The following FAM13A variants were observed in gnomAD, a reference collection of about 807,000 sequenced individuals.
The protein encoded by FAM13A is family with sequence similarity 13 member A, also known as protein FAM13A.
Under a neutral mutation model 129.6 loss-of-function variants are expected in FAM13A, and 76 were observed. That is an observed-to-expected ratio of 0.59 (90% CI 0.49 to 0.71). The LOEUF is 0.71. FAM13A is among the 30% of genes least tolerant of loss of function. The pLI is 0.00. For missense variants in FAM13A, 1,108 were observed against 1,249.3 expected (o/e 0.89, Z 1.70); for synonymous variants, 443 against 449.9 (o/e 0.98, Z 0.20).
intron 3 of FAM13A, among the ~76,000 whole-genome samples, chr4:89,014,584 G>A (rs1766209873): frequency 6.6e-6 from 1 of 152,096 alleles, no homozygotes; most frequent in Non-Finnish European, 1.5e-5. Flanking sequence ...AAGATTTCAT[G>A]GACATTTATT....
At chr4:89,009,808 C>G (rs189409629) in intron 3 of FAM13A, among the ~76,000 whole-genome samples, 1 of 152,262 alleles carries the variant, frequency 6.6e-6, no homozygotes, top group Admixed American at 6.5e-5. Flanking sequence ...CCAAAGGAGT[C>G]CTAGTCTGGG....
intron 7 of FAM13A, among the ~76,000 whole-genome samples, chr4:88,836,495 C>T (rs1734820862): frequency 6.6e-6 from 1 of 152,108 alleles, no homozygotes; most frequent in Admixed American, 6.5e-5. Flanking sequence ...CACTCTGATT[C>T]ATTTATGAAT....
intron 7 of FAM13A, among the ~76,000 whole-genome samples, chr4:88,827,536 T>C (rs1733210621): frequency 6.6e-6 from 1 of 152,180 alleles, no homozygotes. Flanking sequence ...ATCAACCCAA[T>C]CAAACATTCA....
intron 7 of FAM13A, among the ~76,000 whole-genome samples, chr4:88,818,752 A>G (rs3775379): frequency 0.51 from 77,764 of 151,916 alleles, 20,164 homozygotes; most frequent in East Asian, 0.69. Context: ...GTGGAGGGAG[A>G]GGGCAGTGCC....
intron 6 of FAM13A, among the ~76,000 whole-genome samples, chr4:88,877,282 C>T (rs903141626): frequency 1.3e-5 from 2 of 152,028 alleles, no homozygotes; most frequent in South Asian, 2.1e-4. Context: ...ATGTTTATAA[C>T]CTTTGAACTA....
chr4:89,051,730 A>T (rs1350370029), intron 1 of FAM13A, among the ~76,000 whole-genome samples: 9 of 152,226 alleles, frequency 5.9e-5, no homozygotes, highest in Non-Finnish European at 1.3e-4. Context: ...TGGGTCAGGC[A>T]TAGGATAAAC....
At chr4:88,815,466 C>T (rs1730549102) in intron 7 of FAM13A, among the ~76,000 whole-genome samples, 1 of 152,238 alleles carries the variant, frequency 6.6e-6, no homozygotes. Context: ...TGTTTAGCAA[C>T]AATATTCTAA....
At chr4:88,740,137 C>T (rs776782593) in intron 19 of FAM13A, among the ~76,000 whole-genome samples, 2 of 152,164 alleles carry the variant, frequency 1.3e-5, no homozygotes, top group African/African-American at 2.4e-5. Context: ...TCTACCCTGC[C>T]ATGGCTTCCT....
chr4:88,863,059 C>T (rs1739767999), intron 6 of FAM13A, among the ~76,000 whole-genome samples: 1 of 150,894 alleles, frequency 6.6e-6, no homozygotes, highest in Non-Finnish European at 1.5e-5. Flanking sequence ...TCTTCTAAAA[C>T]CCTTGGACTG....
At chr4:89,033,621 T>C (rs1768988616) in intron 1 of FAM13A, among the ~76,000 whole-genome samples, 1 of 152,216 alleles carries the variant, frequency 6.6e-6, no homozygotes, top group Non-Finnish European at 1.5e-5. Flanking sequence ...TCATGGTCTC[T>C]TTAATACAAA....
At chr4:88,774,785 C>T (rs1426521984) in intron 11 of FAM13A, among the ~76,000 whole-genome samples, 2 of 151,956 alleles carry the variant, frequency 1.3e-5, no homozygotes, top group Non-Finnish European at 2.9e-5. Flanking sequence ...CTAAATTTGA[C>T]ACATGATTGA....
intron 4 of FAM13A, among the ~76,000 whole-genome samples, chr4:88,950,909 T>C (rs1756842216): frequency 6.6e-6 from 1 of 152,198 alleles, no homozygotes; most frequent in Non-Finnish European, 1.5e-5. Context: ...ACAAGACCCA[T>C]AGGCAGTCAG....
rs536557054 is a variant in FAM13A at position 88,820,235 on chromosome 4, C to T, written c.1008-15183G>A. Among the ~76,000 whole-genome samples, 5 of 152,180 alleles carry T rather than the reference C, an allele frequency of 3.3e-5. No individual in the cohort carries two copies. The South Asian group carries it at 8.3e-4, about 25-fold the overall frequency. The stretch of plus-strand genomic sequence containing the variant: ...CCCCTAATAAAATCACACACTTACA[C>T]GGGGTTAAATAATACACAGGATAAT... On this transcript the variant is annotated intron_variant, in intron 7 of 23. Coordinates refer to ENST00000264344, the MANE Select transcript of FAM13A (RefSeq NM_014883.4).
chr4:89,000,992 T>C (rs1921684), intron 3 of FAM13A, among the ~76,000 whole-genome samples: 117,963 of 152,292 alleles, frequency 0.77, 45,828 homozygotes, highest in Middle Eastern at 0.88. Flanking sequence ...GTTGTTCTTA[T>C]ATGGAATAAT....
At chr4:88,943,703 C>T (rs577522698) in intron 4 of FAM13A, among the ~76,000 whole-genome samples, 4 of 152,116 alleles carry the variant, frequency 2.6e-5, no homozygotes, top group African/African-American at 4.8e-5. Context: ...CACTGGACTG[C>T]GTGAGAATTT....
chr4:88,803,143 T>C (rs958068345), intron 8 of FAM13A, among the ~76,000 whole-genome samples: 6 of 152,196 alleles, frequency 3.9e-5, no homozygotes, highest in African/African-American at 1.4e-4. Flanking sequence ...ACGTGTCTTA[T>C]GTCTTGATTG....
chr4:88,888,348 C>A (rs531058702), intron 6 of FAM13A, among the ~76,000 whole-genome samples: 6 of 152,176 alleles, frequency 3.9e-5, no homozygotes, highest in Non-Finnish European at 7.3e-5. Context: ...TTCCCAGAAT[C>A]TTCTGCCAGT....
Position 88,728,474 on chromosome 4 carries a change from T to C in FAM13A, c.*59A>G. On this transcript the variant is annotated 3_prime_UTR_variant, in exon 24 of 24. Transcript: ENST00000264344. ...AAGGCTGCCTTCCAGAGCTGCACTT[T>C]CTCTGGGGACAGTAAACTCTCACCG... The C allele has an allele frequency of 1.2e-6, 2 of 1,607,260 alleles. No individual in the cohort carries two copies. Among genetic ancestry groups the C allele is most frequent in the Non-Finnish European group, 1.7e-6 (2 of 1,175,698 alleles).
chr4:88,993,561 A>T (rs1459427422), intron 3 of FAM13A, among the ~76,000 whole-genome samples: 1 of 152,250 alleles, frequency 6.6e-6, no homozygotes, highest in African/African-American at 2.4e-5. Context: ...TTATGACAAT[A>T]ACATCTTTGA....
Sources: allele counts gnomAD v4.1 joint callset (sites outside exome capture counted in the v4.1 genomes callset), GRCh38; gene constraint gnomAD v4.1.1; transcripts MANE v1.5; gene names NCBI Gene and HGNC (gene_info 2026-07-23, HGNC 2026-07-21).